Variants in CDK14 observed in about 807,000 individuals in gnomAD.
The protein encoded by CDK14 is cyclin-dependent kinase 14.
CDK14 carries 34 observed loss-of-function variants against 60.7 expected under a neutral mutation model. The ratio of observed to expected loss-of-function variants is 0.56; its 90% CI spans 0.43 to 0.75. The LOEUF is 0.75. Ranked by LOEUF, CDK14 falls within the 30% of genes least tolerant of loss-of-function variation. The pLI, the probability that CDK14 is intolerant of heterozygous loss-of-function variation, is 0.00. For synonymous variants in CDK14, 197 were observed against 203.7 expected (o/e 0.97, Z 0.28); for missense variants, 482 against 564.1 (o/e 0.85, Z 1.47).
intron 5 of CDK14, among the ~76,000 whole-genome samples, chr7:90,809,498 A>T (rs1271884387): frequency 6.6e-6 from 1 of 152,162 alleles, no homozygotes; most frequent in African/African-American, 2.4e-5. Context: ...TTATAGCACT[A>T]AATGCCCACA....
intron 6 of CDK14, among the ~76,000 whole-genome samples, chr7:90,895,313 CTT>C (rs1248723735): frequency 2.8e-5 from 2 of 72,480 alleles, no homozygotes; most frequent in African/African-American, 8.6e-5. Context: ...ATTCTTTCCT[CTT>C]CTTTCCTCTC....
At chr7:90,668,079 C>CT (rs1801022234) in intron 2 of CDK14, among the ~76,000 whole-genome samples, 1 of 152,052 alleles carries the variant, frequency 6.6e-6, no homozygotes, top group African/African-American at 2.4e-5. Context: ...ATACGTATAA[C>CT]TTTTTGCGGA....
chr7:90,866,555 C>G (rs902494152), intron 6 of CDK14, among the ~76,000 whole-genome samples: 5 of 152,024 alleles, frequency 3.3e-5, no homozygotes, highest in Non-Finnish European at 2.9e-5. Context: ...TGTATTTTTC[C>G]TTTTGATTTC....
At chr7:91,137,559 T>C (rs1439008424) in intron 14 of CDK14, among the ~76,000 whole-genome samples, 2 of 152,142 alleles carry the variant, frequency 1.3e-5, no homozygotes, top group African/African-American at 4.8e-5. Flanking sequence ...AAAGGCAGAT[T>C]TAATTAACTT....
At position 91,017,136 on chromosome 7, in the gene CDK14, C is replaced by T. The variant is rs577293614; in HGVS notation, c.1042-28761C>T. ...AGGTCTATTTTCTATGAAGTTAATA[C>T]TTCTTAGTGAGATATATTTCACTTT... On this transcript the variant is annotated intron_variant, in intron 10 of 14. Transcript: ENST00000380050. Among the ~76,000 whole-genome samples the T allele has an allele frequency of 3.3e-5, 5 of 152,204 alleles. No homozygotes were observed. In the South Asian group the frequency reaches 8.3e-4, roughly 25 times the overall value.
intron 14 of CDK14, among the ~76,000 whole-genome samples, chr7:91,188,120 A>G (rs1449468300): frequency 6.6e-6 from 1 of 152,166 alleles, no homozygotes; most frequent in African/African-American, 2.4e-5. Context: ...CTTACCAAGG[A>G]CTTCTGTACC....
chr7:91,174,196 C>G (rs373321168), intron 14 of CDK14, among the ~76,000 whole-genome samples: 24 of 152,010 alleles, frequency 1.6e-4, no homozygotes, highest in East Asian at 5.8e-4. Flanking sequence ...AGCAGGGGCA[C>G]ACTGACACCT....
chr7:91,135,104 T>C (rs1305224793), intron 14 of CDK14, among the ~76,000 whole-genome samples: 1 of 152,156 alleles, frequency 6.6e-6, no homozygotes, highest in African/African-American at 2.4e-5. Context: ...TTCAGTAAGC[T>C]CTGCCTTTTG....
intron 5 of CDK14, among the ~76,000 whole-genome samples, chr7:90,810,535 G>A (rs1348034292): frequency 3.3e-5 from 5 of 152,096 alleles, no homozygotes; most frequent in Admixed American, 3.3e-4. Flanking sequence ...GGCAAAAACT[G>A]GAAGCATTCC....
intron 14 of CDK14, among the ~76,000 whole-genome samples, chr7:91,178,286 C>T (rs2115856887): frequency 8.3e-6 from 1 of 119,802 alleles, no homozygotes; most frequent in South Asian, 2.9e-4. Context: ...GGATCCCTTC[C>T]TTACACCTTA....
At chr7:91,121,079 A>G (rs1434236719) in intron 14 of CDK14, among the ~76,000 whole-genome samples, 2 of 152,224 alleles carry the variant, frequency 1.3e-5, no homozygotes, top group Non-Finnish European at 1.5e-5. Context: ...TTGGCCTATT[A>G]TATCTTGTGG....
In CDK14 at chr7:91,118,209, G is replaced by A; in HGVS notation, c.*28+1G>A. ...GCAGCACATTCTCAAGAGCACACAG[G>A]TAAGAGGACCTGCTTTACCTGGAAA... is the stretch of plus-strand genomic sequence containing the variant. On this transcript the variant is annotated splice_donor_variant, in intron 14 of 14. Transcript: ENST00000380050. LOFTEE classifies it low-confidence loss of function (3UTR_SPLICE). The A allele has an allele frequency of 7.5e-7, 1 of 1,338,524 alleles. No individual in the cohort carries two copies. Among genetic ancestry groups the A allele is most frequent in the South Asian group, 1.2e-5 (1 of 83,232 alleles). 82.9% of individuals were successfully genotyped at this position (1,338,524 alleles called of 1,614,324 possible). A position where few individuals can be genotyped will look rare whatever the true frequency, so the allele number is the denominator to read the frequency against.
intron 14 of CDK14, among the ~76,000 whole-genome samples, chr7:91,168,703 C>A (rs1801425662): frequency 6.6e-6 from 1 of 152,196 alleles, no homozygotes; most frequent in Non-Finnish European, 1.5e-5. Context: ...ACACTTTATA[C>A]CATCATGCTT....
At chr7:90,658,040 G>T (rs1033324238) in intron 2 of CDK14, among the ~76,000 whole-genome samples, 2 of 151,986 alleles carry the variant, frequency 1.3e-5, no homozygotes, top group African/African-American at 4.8e-5. Context: ...TTATAATTAG[G>T]TTGAGGTTTC....
chr7:91,138,885 G>T (rs1800362304), intron 14 of CDK14, among the ~76,000 whole-genome samples: 1 of 152,136 alleles, frequency 6.6e-6, no homozygotes, highest in East Asian at 1.9e-4. Context: ...GCAGAGATAA[G>T]ATCTCTTTCT....
intron 2 of CDK14, among the ~76,000 whole-genome samples, chr7:90,606,083 A>G (rs17874820): frequency 6.6e-6 from 1 of 152,222 alleles, no homozygotes; most frequent in South Asian, 2.1e-4. Context: ...ATTGTAAACT[A>G]TCACAAATCA....
At position 90,726,567 on chromosome 7, in the gene CDK14, A is replaced by G. The variant is rs959594994; in HGVS notation, c.124A>G (p.Ile42Val). 2 of 1,612,976 alleles carry G rather than the reference A, an allele frequency of 1.2e-6. No individual in the cohort carries two copies. Among genetic ancestry groups the G allele is most frequent in the Non-Finnish European group, 8.5e-7 (1 of 1,179,338 alleles). ...LKKDDTTFDEICVTKMSTRNC... is the reference protein window; with the variant it reads ...LKKDDTTFDEVCVTKMSTRNC... ...TGAATTTAATTTCTTCTTTTCTCAG[A>G]TATGTGTCACAAAGATGTCTACACG... The change falls in exon 3 of 15, where the codon ATA (isoleucine) becomes GTA (valine). Residue 42 changes from isoleucine (I) to valine (V), a missense_variant and splice_region_variant. Coordinates refer to ENST00000380050, the MANE Select transcript of CDK14 (RefSeq NM_001287135.2).
At chr7:90,660,057 G>C (rs935529044) in intron 2 of CDK14, among the ~76,000 whole-genome samples, 11 of 152,128 alleles carry the variant, frequency 7.2e-5, no homozygotes, top group Non-Finnish European at 1.5e-4. Context: ...TAATGGCATA[G>C]ATATAAAGTA....
intron 10 of CDK14, among the ~76,000 whole-genome samples, chr7:91,029,427 A>G (rs556725533): frequency 8.6e-5 from 13 of 151,764 alleles, no homozygotes; most frequent in Non-Finnish European, 1.6e-4. Flanking sequence ...CATTTTCACA[A>G]TATTGATGCT....
Sources: allele counts gnomAD v4.1 joint callset (sites outside exome capture counted in the v4.1 genomes callset), GRCh38; gene constraint gnomAD v4.1.1; transcripts MANE v1.5; gene names NCBI Gene and HGNC (gene_info 2026-07-23, HGNC 2026-07-21).